CCND3: variants seen among roughly 807,000 people sequenced by gnomAD.
CCND3 encodes G1/S-specific cyclin-D3.
In CCND3, 9 loss-of-function variants were observed where a neutral mutation model predicts 28.7. The ratio of observed to expected loss-of-function variants is 0.31; its 90% CI spans 0.19 to 0.55. The LOEUF is 0.55. Among genes scored for constraint, CCND3 ranks in the 20% least tolerant of loss-of-function variants. CCND3 has a pLI of 0.93. For synonymous variants in CCND3, 164 were observed against 163.9 expected (o/e 1.00, Z 0.00); for missense variants, 315 against 385.8 (o/e 0.82, Z 1.54).
intron 1 of CCND3, among the ~76,000 whole-genome samples, chr6:41,948,778 G>A (rs1403765311): frequency 2.6e-5 from 4 of 151,576 alleles, no homozygotes; most frequent in South Asian, 2.1e-4. Context: ...CCCGGGAAGC[G>A]GAGGTTGCAG....
At chr6:41,991,119 C>T (rs903050651) in intron 1 of CCND3, among the ~76,000 whole-genome samples, 10 of 151,472 alleles carry the variant, frequency 6.6e-5, no homozygotes, top group South Asian at 2.1e-4. Flanking sequence ...AGTGCAATGG[C>T]GTGATCTCAG....
chr6:42,013,295 C>T (rs1431212825), intron 1 of CCND3, among the ~76,000 whole-genome samples: 1 of 152,146 alleles, frequency 6.6e-6, no homozygotes, highest in Admixed American at 6.6e-5. Context: ...AGTTTAGAGC[C>T]AACTTAAACC....
At chr6:42,016,375 A>AT (rs576722829) in intron 1 of CCND3, among the ~76,000 whole-genome samples, 215 of 152,302 alleles carry the variant, frequency 1.4e-3, no homozygotes, top group Non-Finnish European at 2.5e-3. Flanking sequence ...AAATGAGGAA[A>AT]TTGAGATTCA....
chr6:41,998,349 ATT>A (rs34342484), intron 1 of CCND3, among the ~76,000 whole-genome samples: 1,247 of 117,234 alleles, frequency 0.011, 18 homozygotes, highest in African/African-American at 0.034. Flanking sequence ...ACAATATCCA[ATT>A]TTTTTTTTTT....
intron 1 of CCND3, among the ~76,000 whole-genome samples, chr6:42,027,792 G>C (rs1279019770): frequency 6.6e-6 from 1 of 151,842 alleles, no homozygotes; most frequent in Non-Finnish European, 1.5e-5. Context: ...TTGTTGTCCA[G>C]GCTGGAGGGC....
chr6:42,033,508 A>ACACG (rs1764106417), intron 1 of CCND3, among the ~76,000 whole-genome samples: 1 of 147,132 alleles, frequency 6.8e-6, no homozygotes, highest in African/African-American at 2.5e-5. Flanking sequence ...ACACACACGC[A>ACACG]CACATAGATG....
At chr6:42,012,987 T>C (rs1192653805) in intron 1 of CCND3, among the ~76,000 whole-genome samples, 2 of 152,158 alleles carry the variant, frequency 1.3e-5, no homozygotes, top group Admixed American at 1.3e-4. Context: ...CCTTCCTTCC[T>C]GGAGCCTCTA....
In CCND3 at chr6:42,029,147, T is replaced by C. The variant is rs564054797; in HGVS notation, c.-46+19354A>G. Among the ~76,000 whole-genome samples, 7 of 142,434 alleles carry C rather than the reference T, an allele frequency of 4.9e-5. 1 individual carries two copies. In the South Asian group the frequency reaches 1.6e-3, roughly 32 times the overall value. 93.4% of individuals were successfully genotyped at this position (142,434 alleles called of 152,430 possible). On this transcript the variant is annotated intron_variant, in intron 1 of 4. Transcript: ENST00000372988. ...AGGCACCACCAGCTATTTTATTTTT[T>C]AATTTTTTTTTTTTTTATTATTTTT... is the stretch of plus-strand genomic sequence containing the variant.
intron 1 of CCND3, among the ~76,000 whole-genome samples, chr6:41,992,274 T>C (rs925598416): frequency 6.6e-6 from 1 of 152,062 alleles, no homozygotes; most frequent in Non-Finnish European, 1.5e-5. Flanking sequence ...GAGATTCTCA[T>C]GCCTCAGCCT....
At chr6:41,959,939 G>A (rs1026848938) in intron 1 of CCND3, among the ~76,000 whole-genome samples, 13 of 138,046 alleles carry the variant, frequency 9.4e-5, no homozygotes, top group African/African-American at 3.4e-4. Flanking sequence ...CTGGGCAACA[G>A]AGCGAGACTC....
rs1486127917 is a variant in CCND3, at chr6:42,048,896, CG to C, written c.-442del. 2 of 266,694 alleles carry C rather than the reference CG, an allele frequency of 7.5e-6. No individual in the cohort carries two copies. Among genetic ancestry groups the C allele is most frequent in the South Asian group, 6.4e-5 (2 of 31,376 alleles). 16.5% of individuals were successfully genotyped at this position (266,694 alleles called of 1,614,324 possible). ...GCCCCCGCCCCACGCGGCATAGGTG[CG>C]GGGGCGGGGCGCCACGGAGGCTCAG... On this transcript the variant is annotated 5_prime_UTR_variant, in exon 1 of 5. Coordinates refer to the CCND3 transcript ENST00000372988. The surrounding 1 kb of genome is among the most constrained non-coding windows in gnomAD (Gnocchi z 4.7).
chr6:42,028,026 C>T (rs534570499), intron 1 of CCND3, among the ~76,000 whole-genome samples: 33 of 152,312 alleles, frequency 2.2e-4, no homozygotes, highest in South Asian at 4.1e-4. Flanking sequence ...GGATTACAGG[C>T]GTGAGACACC....
At chr6:41,964,263 C>T (rs17287803) in intron 1 of CCND3, among the ~76,000 whole-genome samples, 4,762 of 151,986 alleles carry the variant, frequency 0.031, 116 homozygotes, top group Admixed American at 0.046. Context: ...GAGAGGAGCA[C>T]TTCCTCCAGC....
intron 1 of CCND3, among the ~76,000 whole-genome samples, chr6:41,979,639 CTCTCTA>C (rs58495357): frequency 0.49 from 54,651 of 111,518 alleles, 10,269 homozygotes; most frequent in East Asian, 0.58. Flanking sequence ...CTCTCTCTCT[CTCTCTA>C]TATATATATA....
intron 1 of CCND3, among the ~76,000 whole-genome samples, chr6:41,997,029 T>C (rs1762829961): frequency 6.6e-6 from 1 of 152,160 alleles, no homozygotes; most frequent in South Asian, 2.1e-4. Flanking sequence ...TAGAAAGATA[T>C]TATCAAATGT....
upstream of CCND3, among the ~76,000 whole-genome samples, chr6:41,943,587 C>A (rs912787538): frequency 6.6e-6 from 1 of 152,088 alleles, no homozygotes; most frequent in African/African-American, 2.4e-5. Context: ...GTGGTAATAT[C>A]TTTGTGCACA....
chr6:42,040,868 C>CAAAAA (rs142222742), intron 1 of CCND3, among the ~76,000 whole-genome samples: 19 of 122,578 alleles, frequency 1.6e-4, no homozygotes, highest in Non-Finnish European at 2.5e-4. Context: ...AACAAACAAA[C>CAAAAA]AAAAAAAAAA....
intron 1 of CCND3, among the ~76,000 whole-genome samples, chr6:42,026,895 T>C (rs1336333253): frequency 6.6e-6 from 1 of 152,148 alleles, no homozygotes; most frequent in Non-Finnish European, 1.5e-5. Context: ...GCTTGGGCCC[T>C]CAACACCACC....
At chr6:41,969,683 C>A (rs1761982292) in intron 1 of CCND3, among the ~76,000 whole-genome samples, 1 of 152,056 alleles carries the variant, frequency 6.6e-6, no homozygotes, top group Non-Finnish European at 1.5e-5. Context: ...TTGCAGTGAG[C>A]CGAGATGGCA....
Sources: allele counts gnomAD v4.1 joint callset (sites outside exome capture counted in the v4.1 genomes callset), GRCh38; gene constraint gnomAD v4.1.1; non-coding constraint Gnocchi (gnomAD v3.1); transcripts MANE v1.5; gene names NCBI Gene and HGNC (gene_info 2026-07-23, HGNC 2026-07-21).